The following BIN2 variants were observed in gnomAD, a reference collection of about 807,000 sequenced individuals.
BIN2 encodes the protein bridging integrator 2, also known as breast cancer associated protein BRAP1.
BIN2 carries 43 observed loss-of-function variants against 67.9 expected under a neutral mutation model. The ratio of observed to expected loss-of-function variants is 0.63; its 90% CI spans 0.50 to 0.82. The LOEUF (loss-of-function observed/expected upper bound fraction) is 0.82, where lower values mean the gene tolerates loss of function less well. BIN2 is among the 40% of genes least tolerant of loss of function. The pLI, the probability that BIN2 is intolerant of heterozygous loss-of-function variation, is 0.00. For missense variants in BIN2, 581 were observed against 671.6 expected (o/e 0.87, Z 1.49); for synonymous variants, 244 against 246.8 (o/e 0.99, Z 0.11).
chr12:51,288,050 A>T (rs1945284360), intron 11 of BIN2, 58 bp downstream of exon 11: 1 of 1,251,376 alleles, frequency 8.0e-7, no homozygotes, highest in Non-Finnish European at 1.2e-6. Context: ...AAGAAAAATA[A>T]ATTTTAATGT....
At chr12:51,302,275 G>A (rs1592267909) in intron 4 of BIN2, 160 bp from the exon 5 acceptor site, 14 of 591,448 alleles carry the variant, frequency 2.4e-5, no homozygotes, top group Non-Finnish European at 3.6e-5. Flanking sequence ...AAAAGAGACA[G>A]CCCCTACCCC....
chr12:51,283,862 C>T lies in BIN2; in HGVS notation c.1668+854G>A, dbSNP rs564480103. ...GTACAAAATTAGCTGGGCGTGGTGG[C>T]GCATGCCTGTAATCCCAGCTACTCA... On this transcript the variant is annotated intron_variant, in intron 12 of 12. Transcript: ENST00000615107. Among the ~76,000 whole-genome samples, 90 of 151,910 alleles carry T rather than the reference C, an allele frequency of 5.9e-4. No homozygotes were observed. The South Asian group carries it at 8.3e-3, about 14-fold the overall frequency.
At chr12:51,323,812 G>A (rs1174325092) in intron 1 of BIN2, among the ~76,000 whole-genome samples, 1 of 152,294 alleles carries the variant, frequency 6.6e-6, no homozygotes, top group Non-Finnish European at 1.5e-5. Context: ...GCCCAAGATC[G>A]GGTGGCGGTC....
chr12:51,321,306 AAC>A (rs1355480348), intron 1 of BIN2, among the ~76,000 whole-genome samples: 3 of 152,176 alleles, frequency 2.0e-5, no homozygotes, highest in Non-Finnish European at 4.4e-5. Context: ...TTATTTCTAA[AAC>A]AGAGATGCTA....
chr12:51,308,993 G>T (rs973322315), intron 2 of BIN2, among the ~76,000 whole-genome samples: 1 of 151,876 alleles, frequency 6.6e-6, no homozygotes, highest in Non-Finnish European at 1.5e-5. Context: ...AAAAAGAAAA[G>T]AAATGTGATC....
Position 51,291,819 on chromosome 12 carries a change from G to A in BIN2, c.1287C>T (p.Ser429=), listed in dbSNP as rs372183941. ...PPRATASPRP[S]SGNIPSSPTA... ...TAGGGCTGGAAGGTATGTTCCCTGA[G>A]GAGGGCCTGGGGCTTGCAGTGGCTC... The change falls in exon 10 of 13, where the codon TCC becomes TCT. Residue 429 remains serine (S), a synonymous_variant. Transcript: ENST00000615107. 186 of 1,614,038 alleles carry A rather than the reference G, an allele frequency of 1.2e-4. No individual in the cohort carries two copies. Among genetic ancestry groups the A allele is most frequent in the South Asian group, 1.1e-3 (96 of 91,082 alleles).
At chr12:51,315,277 C>T (rs1477282782) in intron 1 of BIN2, among the ~76,000 whole-genome samples, 1 of 152,082 alleles carries the variant, frequency 6.6e-6, no homozygotes, top group Non-Finnish European at 1.5e-5. Flanking sequence ...TCACGCCATT[C>T]TCCTGCCTCA....
In BIN2 at chr12:51,281,437, C is replaced by T. The variant is rs1204644059; in HGVS notation, c.*62G>A. 6.5e-6 allele frequency: 10 copies of T among 1,538,804 alleles called. No individual in the cohort carries two copies. The highest frequency in any genetic ancestry group is 4.5e-5 in the East Asian group (2 of 44,538). ...GGCTCTTATATCCCTCTGACCTATA[C>T]CCTCTGGTTGAAGAGCTTCTCTGGC... On this transcript the variant is annotated 3_prime_UTR_variant, in exon 13 of 13. Transcript: ENST00000615107.
chr12:51,318,909 A>G (rs1460066337), intron 1 of BIN2, among the ~76,000 whole-genome samples: 4 of 141,438 alleles, frequency 2.8e-5, no homozygotes, highest in Admixed American at 2.1e-4. Flanking sequence ...TGGTTTGGCC[A>G]TATCTGTTTG....
intron 11 of BIN2, among the ~76,000 whole-genome samples, chr12:51,287,654 T>C (rs1945271182): frequency 6.7e-6 from 1 of 148,908 alleles, no homozygotes; most frequent in African/African-American, 2.5e-5. Flanking sequence ...GAAAAGTTTT[T>C]TTTTTTTTTC....
rs1945118201 is a variant in BIN2 at position 51,281,465 on chromosome 12, G to A, written c.*34C>T. 1 of 1,607,216 alleles carries A rather than the reference G, an allele frequency of 6.2e-7. No individual in the cohort carries two copies. Among genetic ancestry groups the A allele is most frequent in the African/African-American group, 1.3e-5 (1 of 74,738 alleles). ...TCTGGTTGAAGAGCTTCTCTGGCGA[G>A]GTTTGGGGCAGGAGGAGTCTTGGTA... On this transcript the variant is annotated 3_prime_UTR_variant, in exon 13 of 13. Coordinates refer to ENST00000615107, the MANE Select transcript of BIN2 (RefSeq NM_016293.4).
chr12:51,282,243 T>C (rs1024466353), intron 12 of BIN2, among the ~76,000 whole-genome samples: 8 of 132,280 alleles, frequency 6.0e-5, no homozygotes, highest in African/African-American at 1.8e-4. Context: ...GTTGTGTATA[T>C]GTGTGTATGT....
At chr12:51,294,396 G>A (rs1026348576) in intron 9 of BIN2, among the ~76,000 whole-genome samples, 1 of 151,968 alleles carries the variant, frequency 6.6e-6, no homozygotes, top group Non-Finnish European at 1.5e-5. Flanking sequence ...GTGAAACCGC[G>A]TCTCTACTAA....
chr12:51,304,755 G>T (rs1379401102), intron 2 of BIN2, among the ~76,000 whole-genome samples: 1 of 152,176 alleles, frequency 6.6e-6, no homozygotes, highest in Non-Finnish European at 1.5e-5. Context: ...AGTGGCTCAC[G>T]CCTGTAATCC....
chr12:51,319,779 A>G (rs1353251671), intron 1 of BIN2, among the ~76,000 whole-genome samples: 2 of 152,116 alleles, frequency 1.3e-5, no homozygotes, highest in African/African-American at 4.8e-5. Flanking sequence ...ATTACTACAT[A>G]TATCTTTGGT....
At chr12:51,317,345 A>C (rs979335854) in intron 1 of BIN2, among the ~76,000 whole-genome samples, 1 of 152,158 alleles carries the variant, frequency 6.6e-6, no homozygotes, top group Non-Finnish European at 1.5e-5. Flanking sequence ...GAATGAGTGG[A>C]GCCTTGGAGT....
chr12:51,324,077 G>A lies in BIN2; in HGVS notation c.26C>T (p.Ala9Val). MAEGKAGGAAGLFAKQVQK... is the reference protein window; with the variant it reads MAEGKAGGVAGLFAKQVQK... Reference sequence around the variant, plus strand: ...CACCTGCTTGGCGAAGAGGCCGGCCGCGCCGCCTGCCTTGCCCTCTGCCAT... The same window carrying A: ...CACCTGCTTGGCGAAGAGGCCGGCCACGCCGCCTGCCTTGCCCTCTGCCAT... Residue 9 changes from alanine to valine, a missense_variant, in exon 1 of 13, where the codon GCG (alanine) becomes GTG (valine). By Grantham distance (64) the Ala-to-Val change is moderately conservative (BLOSUM62 0). Coordinates refer to ENST00000615107, the MANE Select transcript of BIN2 (RefSeq NM_016293.4). 3 of 1,613,390 alleles carry A rather than the reference G, an allele frequency of 1.9e-6. No individual in the cohort carries two copies. Among genetic ancestry groups the A allele is most frequent in the African/African-American group, 1.3e-5 (1 of 75,028 alleles).
chr12:51,299,555 G>A, intron 6 of BIN2, 52 bp downstream of exon 6: 1 of 1,536,702 alleles, frequency 6.5e-7, no homozygotes, highest in Non-Finnish European at 9.0e-7. Flanking sequence ...CCACCATGGG[G>A]AGAAGGAGAA....
intron 1 of BIN2, among the ~76,000 whole-genome samples, chr12:51,320,282 A>G (rs914346497): frequency 2.0e-5 from 3 of 152,178 alleles, no homozygotes; most frequent in African/African-American, 7.2e-5. Context: ...GCCCTCCCAA[A>G]GTGTTGGGAT....
Sources: gnomAD v4.1 joint callset for allele counts (sites outside exome capture counted in the v4.1 genomes callset) on GRCh38, gnomAD v4.1.1 for gene constraint, MANE v1.5 for transcripts, NCBI Gene and HGNC (gene_info 2026-07-23, HGNC 2026-07-21) for gene names.